The following GPATCH8 variants were observed in gnomAD, a reference collection of about 807,000 sequenced individuals.
GPATCH8 encodes G-patch domain containing 8.
Under a neutral mutation model 118.3 loss-of-function variants are expected in GPATCH8, and 18 were observed. That is an observed-to-expected ratio of 0.15 (90% confidence interval 0.11 to 0.23). The LOEUF (loss-of-function observed/expected upper bound fraction) is 0.23. Among genes scored for constraint, GPATCH8 ranks in the 10% least tolerant of loss-of-function variants. The probability of loss-of-function intolerance (pLI) is 1.00; values close to 1 mark genes in which losing one functional copy is unlikely to be tolerated. For missense variants in GPATCH8, 1,631 were observed against 1,873.8 expected, an observed-to-expected ratio of 0.87 and a Z score of 2.39; for synonymous variants, 659 against 684.7, an observed-to-expected ratio of 0.96 and a Z score of 0.59.
In GPATCH8 at chr17:44,397,277, G is replaced by C. The variant is rs1341799550; in HGVS notation, c.*291C>G. 6.8e-6 allele frequency: 4 copies of C among 589,384 alleles called. No homozygotes were observed. Among genetic ancestry groups the C allele is most frequent in the Non-Finnish European group, 1.3e-5 (4 of 314,094 alleles). The allele number at this position is 589,384 out of a possible 1,614,324, so 36.5% of individuals were successfully genotyped here. ...AGGAGGGGATTATCTAAACTTGACA[G>C]TTTGGAGATGTTGCTGCAGAGGGGT... On this transcript the variant is annotated 3_prime_UTR_variant, in exon 8 of 8. Coordinates refer to ENST00000591680, the MANE Select transcript of GPATCH8 (RefSeq NM_001002909.4).
chr17:44,460,551 C>T (rs1336834946), intron 3 of GPATCH8, among the ~76,000 whole-genome samples: 1 of 152,138 alleles, frequency 6.6e-6, no homozygotes, highest in Non-Finnish European at 1.5e-5. Context: ...CCAAGAACTG[C>T]AACTTTTGTT....
chr17:44,503,186 G>C, intron 1 of GPATCH8, 140 bp downstream of exon 1: 1 of 777,706 alleles, frequency 1.3e-6, no homozygotes, highest in Non-Finnish European at 2.2e-6. Context: ...GGCCTCTTGA[G>C]AAAGCAGAGA....
Position 44,414,099 on chromosome 17 carries a change from ATG to A in GPATCH8, c.493-8050_493-8049del, listed in dbSNP as rs1323542358. Among the ~76,000 whole-genome samples the A allele has an allele frequency of 4.6e-5, 6 of 131,866 alleles. No homozygotes were observed. In the East Asian group the frequency reaches 8.4e-4, roughly 18 times the overall value. The allele number at this position is 131,866 out of a possible 152,430, so 86.5% of individuals were successfully genotyped here. On this transcript the variant is annotated intron_variant, in intron 6 of 7. Coordinates refer to ENST00000591680, the MANE Select transcript of GPATCH8 (RefSeq NM_001002909.4). ...TATATATGTGTGTGTATATATATAT[ATG>A]TGTGTATATATATATGTATATATAT... is the stretch of plus-strand genomic sequence containing the variant.
intron 3 of GPATCH8, among the ~76,000 whole-genome samples, chr17:44,452,057 G>A (rs1355264437): frequency 6.6e-6 from 1 of 151,998 alleles, no homozygotes; most frequent in East Asian, 1.9e-4. Flanking sequence ...GATTGCCCGA[G>A]GTCAGGAGTT....
intron 1 of GPATCH8, among the ~76,000 whole-genome samples, chr17:44,497,252 G>C (rs1288686762): frequency 6.6e-6 from 1 of 152,192 alleles, no homozygotes; most frequent in African/African-American, 2.4e-5. Flanking sequence ...ATAGGTTTCT[G>C]ATTCATAATT....
intron 1 of GPATCH8, among the ~76,000 whole-genome samples, chr17:44,502,831 GA>G (rs1287685360): frequency 6.6e-6 from 1 of 152,204 alleles, no homozygotes; most frequent in East Asian, 1.9e-4. Context: ...TAAGGAAGAG[GA>G]AAAGCAGACA....
Position 44,424,339 on chromosome 17 carries a change from T to C in GPATCH8, c.492+10A>G. On this transcript the variant is annotated intron_variant, in intron 6 of 7. Coordinates refer to ENST00000591680, the MANE Select transcript of GPATCH8 (RefSeq NM_001002909.4). Reference sequence around the variant, plus strand: ...GTACCTTCTTCTGTTAGCAAGTAACTACAACTCACCTGCTTGTGTGCATGA... The same window carrying C: ...GTACCTTCTTCTGTTAGCAAGTAACCACAACTCACCTGCTTGTGTGCATGA... 1 of 1,581,502 alleles carries C rather than the reference T, an allele frequency of 6.3e-7. No individual in the cohort carries two copies. The highest frequency in any genetic ancestry group is 2.2e-5 in the East Asian group (1 of 44,692).
At chr17:44,433,904 C>T (rs978673711) in intron 5 of GPATCH8, among the ~76,000 whole-genome samples, 6 of 151,996 alleles carry the variant, frequency 3.9e-5, no homozygotes, top group Admixed American at 2.6e-4. Flanking sequence ...TTTGGGAGGC[C>T]GAGGTGGGCA....
At chr17:44,468,784 A>G (rs1317911090) in intron 2 of GPATCH8, among the ~76,000 whole-genome samples, 1 of 152,192 alleles carries the variant, frequency 6.6e-6, no homozygotes, top group Non-Finnish European at 1.5e-5. Context: ...GGCTGCTTAT[A>G]ATTTTTTTCT....
At chr17:44,435,044 T>C in intron 5 of GPATCH8, 21 bp downstream of exon 5, 1 of 1,032,722 alleles carries the variant, frequency 9.7e-7, no homozygotes, top group Non-Finnish European at 1.5e-6. Flanking sequence ...CATCTCCCAA[T>C]GAATAGCTTT....
At chr17:44,474,947 G>C in intron 1 of GPATCH8, 44 bp from the exon 2 acceptor site, 1 of 935,278 alleles carries the variant, frequency 1.1e-6, no homozygotes, top group Non-Finnish European at 1.8e-6. Context: ...GCAGTTAAGT[G>C]TCAAATCTAT....
intron 3 of GPATCH8, among the ~76,000 whole-genome samples, chr17:44,439,102 GGA>G (rs2050606811): frequency 6.6e-6 from 1 of 152,004 alleles, no homozygotes; most frequent in African/African-American, 2.4e-5. Flanking sequence ...TCAACTAACT[GGA>G]CAGTAATCAA....
intron 5 of GPATCH8, among the ~76,000 whole-genome samples, chr17:44,431,378 G>GAAAA (rs776468380): frequency 1.5e-4 from 7 of 47,780 alleles, no homozygotes; most frequent in East Asian, 5.6e-4. Context: ...TCTCAAAAAG[G>GAAAA]AAAAAAAAAA....
In GPATCH8 at chr17:44,395,907, A is replaced by G; in HGVS notation, c.*1661T>C. The G allele has an allele frequency of 2.2e-6, 1 of 454,238 alleles. No individual in the cohort carries two copies. The highest frequency in any genetic ancestry group is 4.4e-6 in the Non-Finnish European group (1 of 226,742). 28.1% of individuals were successfully genotyped at this position (454,238 alleles called of 1,614,324 possible). On this transcript the variant is annotated 3_prime_UTR_variant, in exon 8 of 8. Transcript: ENST00000591680. ...TGGGTCAGTGTGTTAATTAGGGCTG[A>G]GAGCCTGGGTGAAAGGCAAGAAGAG...
At chr17:44,470,487 C>G (rs1967191158) in intron 2 of GPATCH8, among the ~76,000 whole-genome samples, 1 of 150,802 alleles carries the variant, frequency 6.6e-6, no homozygotes, top group African/African-American at 2.4e-5. Flanking sequence ...AGCCACTGCA[C>G]CCAGCGCTTT....
intron 1 of GPATCH8, among the ~76,000 whole-genome samples, chr17:44,494,766 G>C (rs1407727064): frequency 6.6e-6 from 1 of 152,176 alleles, no homozygotes; most frequent in Non-Finnish European, 1.5e-5. Context: ...CTTCCTATAA[G>C]AAAGAGGGCT....
intron 5 of GPATCH8, among the ~76,000 whole-genome samples, chr17:44,431,799 G>A (rs1047697797): frequency 6.6e-6 from 1 of 151,932 alleles, no homozygotes; most frequent in Non-Finnish European, 1.5e-5. Context: ...GGTGGTGCAC[G>A]CCTATAGTCT....
chr17:44,413,420 A>C (rs1436750828), intron 6 of GPATCH8, among the ~76,000 whole-genome samples: 2 of 151,988 alleles, frequency 1.3e-5, no homozygotes, highest in African/African-American at 4.8e-5. Flanking sequence ...ATAGGCTCCC[A>C]CCACCATGCC....
At chr17:44,432,265 A>G (rs1211560046) in intron 5 of GPATCH8, among the ~76,000 whole-genome samples, 3 of 152,174 alleles carry the variant, frequency 2.0e-5, no homozygotes, top group African/African-American at 7.2e-5. Flanking sequence ...ATATTGAAGT[A>G]TGAGAGCAGG....
Sources: allele counts gnomAD v4.1 joint callset (sites outside exome capture counted in the v4.1 genomes callset), GRCh38; gene constraint gnomAD v4.1.1; transcripts MANE v1.5; gene names NCBI Gene and HGNC (gene_info 2026-07-23, HGNC 2026-07-21).